The following CHM variants were observed in gnomAD, a reference collection of about 807,000 sequenced individuals.
The protein encoded by CHM is CHM Rab escort protein.
Under a neutral mutation model 49.0 loss-of-function variants are expected in CHM, and 10 were observed. That is an observed-to-expected ratio of 0.20 (90% CI 0.13 to 0.35). The LOEUF (loss-of-function observed/expected upper bound fraction) is 0.35. Ranked by LOEUF, CHM falls within the 10% of genes least tolerant of loss-of-function variation. CHM has a pLI of 1.00. For missense variants in CHM, 455 were observed against 478.4 expected (o/e 0.95, Z 0.46); for synonymous variants, 184 against 167.5 (o/e 1.10, Z -0.76).
intron 4 of CHM, chrX:85,971,056 T>C: frequency 1.6e-6 from 1 of 618,656 alleles, no homozygotes; most frequent in Non-Finnish European, 1.9e-6. Context: ...AATCAAAAAA[T>C]AACTATCCTA....
intron 1 of CHM, among the ~76,000 whole-genome samples, chrX:86,041,398 A>G (rs1934451441): frequency 9.0e-6 from 1 of 110,890 alleles, no homozygotes; most frequent in East Asian, 2.8e-4. Context: ...ATTTTTCAGA[A>G]CAGCAAAATC....
chrX:85,954,286 A>G (rs1929898396), intron 8 of CHM, among the ~76,000 whole-genome samples: 1 of 112,216 alleles, frequency 8.9e-6, no homozygotes, highest in African/African-American at 3.2e-5. Flanking sequence ...AAATGCTGGC[A>G]AAGATACGGA....
intron 8 of CHM, among the ~76,000 whole-genome samples, chrX:85,916,578 A>T (rs1927467505): frequency 8.9e-6 from 1 of 112,062 alleles, no homozygotes; most frequent in Non-Finnish European, 1.9e-5. Flanking sequence ...AGCATCTATA[A>T]GGAACTTAAA....
chrX:85,969,417 C>G (rs1162831171), intron 4 of CHM: 1 of 729,595 alleles, frequency 1.4e-6, no homozygotes, highest in African/African-American at 2.3e-5. Flanking sequence ...AGATCTAAAA[C>G]TAGAAACAAT....
intron 8 of CHM, among the ~76,000 whole-genome samples, chrX:85,917,286 C>T (rs1265373008): frequency 1.8e-5 from 2 of 110,192 alleles, no homozygotes; most frequent in Non-Finnish European, 3.8e-5. Context: ...TACACTGGGG[C>T]CTATGGGTCA....
chrX:85,921,680 C>T (rs1006110315), intron 8 of CHM, among the ~76,000 whole-genome samples: 42 of 112,123 alleles, frequency 3.7e-4, no homozygotes, highest in Admixed American at 1.3e-3. Context: ...AGTTCCATTC[C>T]AACAGTAAGT....
At chrX:85,911,405 T>C in intron 8 of CHM, 67 bp from the exon 9 acceptor site, 1 of 501,823 alleles carries the variant, frequency 2.0e-6, no homozygotes, top group Non-Finnish European at 3.2e-6. Context: ...AAGTATTTTC[T>C]TTTAAGTATT....
intron 2 of CHM, among the ~76,000 whole-genome samples, chrX:86,014,778 T>G (rs749780551): frequency 4.5e-5 from 5 of 110,942 alleles, no homozygotes; most frequent in South Asian, 3.8e-4. Context: ...AAAGACAGAG[T>G]GTGAAACAAC....
intron 8 of CHM, among the ~76,000 whole-genome samples, chrX:85,948,842 A>G (rs28488535): frequency 0.052 from 5,846 of 111,945 alleles, 389 homozygotes; most frequent in African/African-American, 0.18. Flanking sequence ...GGATAAAAAT[A>G]AAACAATATT....
At chrX:85,897,166 A>G (rs1569403870) in intron 11 of CHM, among the ~76,000 whole-genome samples, 1 of 85,063 alleles carries the variant, frequency 1.2e-5, no homozygotes, top group Non-Finnish European at 2.0e-5. Flanking sequence ...TATATATCTA[A>G]TATATATATT....
intron 5 of CHM, among the ~76,000 whole-genome samples, chrX:85,959,830 T>C (rs1266099522): frequency 8.9e-6 from 1 of 111,772 alleles, no homozygotes; most frequent in Non-Finnish European, 1.9e-5. Flanking sequence ...GTTACATCTA[T>C]AATAAATAAA....
chrX:85,958,276 C>T (rs1169264639), intron 6 of CHM, among the ~76,000 whole-genome samples: 2 of 110,385 alleles, frequency 1.8e-5, no homozygotes, highest in Non-Finnish European at 3.8e-5. Flanking sequence ...TCCCTATGTA[C>T]ATGTTAGTAC....
intron 2 of CHM, among the ~76,000 whole-genome samples, chrX:85,992,026 G>T (rs1011277736): frequency 2.7e-5 from 3 of 111,025 alleles, no homozygotes; most frequent in African/African-American, 9.8e-5. Flanking sequence ...TTAAGACCAG[G>T]GACAATCAGG....
intron 2 of CHM, among the ~76,000 whole-genome samples, chrX:86,000,047 A>G (rs1438276885): frequency 9.0e-6 from 1 of 111,671 alleles, no homozygotes; most frequent in East Asian, 2.8e-4. Flanking sequence ...TGATCTTCAC[A>G]AAGTCATGAA....
At chrX:85,913,133 C>T (rs1310242882) in intron 8 of CHM, among the ~76,000 whole-genome samples, 2 of 100,850 alleles carry the variant, frequency 2.0e-5, no homozygotes, top group Non-Finnish European at 4.0e-5. Context: ...GAGACCAGCC[C>T]GGTGAAACCT....
chrX:85,993,825 A>G (rs774797567), intron 2 of CHM, among the ~76,000 whole-genome samples: 1 of 111,892 alleles, frequency 8.9e-6, no homozygotes, highest in Admixed American at 9.5e-5. Context: ...CCATAAAACT[A>G]ATGATGGAAC....
intron 2 of CHM, among the ~76,000 whole-genome samples, chrX:85,985,332 TC>T (rs965919340): frequency 8.9e-6 from 1 of 112,347 alleles, no homozygotes; most frequent in African/African-American, 3.2e-5. Context: ...CCGATTCCAT[TC>T]CTCCTCACTG....
At chrX:86,004,577 A>C (rs1046758236) in intron 2 of CHM, among the ~76,000 whole-genome samples, 14 of 111,713 alleles carry the variant, frequency 1.3e-4, no homozygotes, top group African/African-American at 4.6e-4. Context: ...TCTACCAAGT[A>C]AATGGAAAGC....
intron 12 of CHM, among the ~76,000 whole-genome samples, chrX:85,889,525 C>T (rs758833295): frequency 4.4e-4 from 49 of 111,608 alleles, no homozygotes; most frequent in Non-Finnish European, 7.3e-4. Flanking sequence ...CCAGTCAGAA[C>T]GGCTATTATT....
Sources: allele counts gnomAD v4.1 joint callset (sites outside exome capture counted in the v4.1 genomes callset), GRCh38; gene constraint gnomAD v4.1.1; transcripts MANE v1.5; gene names NCBI Gene and HGNC (gene_info 2026-07-23, HGNC 2026-07-21).